The following ZCCHC7 variants were observed in gnomAD, a reference collection of about 807,000 sequenced individuals.
ZCCHC7 encodes the protein zinc finger CCHC-type containing 7.
Under a neutral mutation model 52.0 loss-of-function variants are expected in ZCCHC7, and 35 were observed. That is an observed-to-expected ratio of 0.67 (90% CI 0.51 to 0.89). ZCCHC7 has a LOEUF of 0.89. Among genes scored for constraint, ZCCHC7 ranks in the 40% least tolerant of loss-of-function variants. ZCCHC7 has a pLI of 0.00. For synonymous variants in ZCCHC7, 217 were observed against 221.5 expected, an observed-to-expected ratio of 0.98 and a Z score of 0.18; for missense variants, 574 against 649.1, an observed-to-expected ratio of 0.88 and a Z score of 1.26.
intron 2 of ZCCHC7, among the ~76,000 whole-genome samples, chr9:37,241,977 G>A (rs1226450105): frequency 6.6e-6 from 1 of 151,436 alleles, no homozygotes; most frequent in Non-Finnish European, 1.5e-5. Context: ...ATTTTTTTCT[G>A]TTAAAATAGG....
chr9:37,268,182 A>G (rs1051200430), intron 2 of ZCCHC7, among the ~76,000 whole-genome samples: 4 of 152,196 alleles, frequency 2.6e-5, no homozygotes, highest in African/African-American at 9.7e-5. Context: ...AGCCTAATAC[A>G]AAACAAATTC....
intron 6 of ZCCHC7, among the ~76,000 whole-genome samples, chr9:37,328,494 C>A (rs1830335674): frequency 6.6e-6 from 1 of 151,892 alleles, no homozygotes; most frequent in Non-Finnish European, 1.5e-5. Flanking sequence ...CAGCTTAAAT[C>A]ATTTCAGTAA....
intron 2 of ZCCHC7, among the ~76,000 whole-genome samples, chr9:37,258,683 T>C (rs1826710416): frequency 6.8e-6 from 1 of 146,726 alleles, no homozygotes; most frequent in Admixed American, 6.9e-5. Context: ...GCCTGTGAGG[T>C]TGAGGCTGCA....
intron 2 of ZCCHC7, among the ~76,000 whole-genome samples, chr9:37,136,062 T>C (rs1432930116): frequency 6.6e-6 from 1 of 152,188 alleles, no homozygotes. Context: ...TTTCTTTTCC[T>C]GTGTGGATTA....
chr9:37,212,531 T>C (rs1308735394), intron 2 of ZCCHC7, among the ~76,000 whole-genome samples: 1 of 152,180 alleles, frequency 6.6e-6, no homozygotes, highest in Non-Finnish European at 1.5e-5. Context: ...TCTTTTCTTT[T>C]TAGTTGGCTA....
rs573048792 is a variant in ZCCHC7 at position 37,184,381 on chromosome 9, T to C, written c.610+57439T>C. On this transcript the variant is annotated intron_variant, in intron 2 of 8. Transcript: ENST00000336755. ...GTGGCAGTTTTCTAGATTCCCATTA[T>C]TGGCTTGCATCAAAAAAAAAAAAAA... 5.5e-5 allele frequency among the ~76,000 whole-genome samples: 8 copies of C among 145,980 alleles called. No individual in the cohort carries two copies. The South Asian group carries it at 1.8e-3, about 33-fold the overall frequency.
At chr9:37,295,101 T>C (rs540198014) in intron 2 of ZCCHC7, among the ~76,000 whole-genome samples, 1 of 152,300 alleles carries the variant, frequency 6.6e-6, no homozygotes, top group East Asian at 1.9e-4. Flanking sequence ...AAGTTGTGAG[T>C]GATCATCACT....
intron 2 of ZCCHC7, among the ~76,000 whole-genome samples, chr9:37,284,566 A>AG (rs1373310654): frequency 6.6e-6 from 1 of 151,342 alleles, no homozygotes; most frequent in Non-Finnish European, 1.5e-5. Flanking sequence ...TGTATTGGAA[A>AG]TGAAAGTCAG....
At chr9:37,227,434 A>G (rs908455663) in intron 2 of ZCCHC7, among the ~76,000 whole-genome samples, 1 of 152,222 alleles carries the variant, frequency 6.6e-6, no homozygotes, top group Non-Finnish European at 1.5e-5. Flanking sequence ...AGAATAGGTC[A>G]TAATTGAAAA....
chr9:37,182,805 G>C (rs1300165768), intron 2 of ZCCHC7, among the ~76,000 whole-genome samples: 2 of 152,188 alleles, frequency 1.3e-5, no homozygotes, highest in Non-Finnish European at 1.5e-5. Flanking sequence ...GTACATGGTG[G>C]ATACATTGTT....
At chr9:37,209,142 G>T (rs980098601) in intron 2 of ZCCHC7, among the ~76,000 whole-genome samples, 1 of 151,896 alleles carries the variant, frequency 6.6e-6, no homozygotes, top group South Asian at 2.1e-4. Flanking sequence ...CCAGGTTCAC[G>T]CCATTTGCCT....
chr9:37,288,544 T>C lies in ZCCHC7; in HGVS notation c.611-13644T>C, dbSNP rs1053505833. On this transcript the variant is annotated intron_variant, in intron 2 of 8. Coordinates refer to ENST00000336755, the MANE Select transcript of ZCCHC7 (RefSeq NM_032226.3). ...GTCAAAATCATCAAACATTTGTCTA[T>C]ATTTACTGCCCCTGAATTCTCTCCT... Among the ~76,000 whole-genome samples, 6 of 152,222 alleles carry C rather than the reference T, an allele frequency of 3.9e-5. No homozygotes were observed. In the East Asian group the frequency reaches 1.2e-3, roughly 29 times the overall value.
intron 2 of ZCCHC7, among the ~76,000 whole-genome samples, chr9:37,238,336 G>C (rs1403489584): frequency 1.3e-5 from 2 of 152,068 alleles, no homozygotes; most frequent in Non-Finnish European, 2.9e-5. Flanking sequence ...TGATTTTTTT[G>C]TAGGTTTCTC....
chr9:37,274,136 CTTA>C (rs1564217870), intron 2 of ZCCHC7, among the ~76,000 whole-genome samples: 2 of 152,048 alleles, frequency 1.3e-5, no homozygotes, highest in South Asian at 2.1e-4. Context: ...TATCCAGTCA[CTTA>C]TTATTTACAT....
rs146660938 is a variant in ZCCHC7 at position 37,185,922 on chromosome 9, T to TTTTA, written c.610+59004_610+59007dup. ...TCAGGAATATCTGTTCATTCATGCA[T>TTTTA]TTTATTTATTTATTTATTTATTTAT... On this transcript the variant is annotated intron_variant, in intron 2 of 8. Coordinates refer to ENST00000336755, the MANE Select transcript of ZCCHC7 (RefSeq NM_032226.3). Among the ~76,000 whole-genome samples the TTTTA allele has an allele frequency of 1.0e-3, 159 of 151,996 alleles. 1 individual carries two copies. The highest frequency in any genetic ancestry group is 3.1e-3 in the South Asian group (15 of 4,826).
rs11422051 is a variant in ZCCHC7, at chr9:37,304,171, A to AT, written c.655-8dup. The AT allele has an allele frequency of 0.54, 830,892 of 1,534,274 alleles. 220,419 individuals are homozygous for AT. Among genetic ancestry groups the AT allele is most frequent in the African/African-American group, 0.69 (48,781 of 70,368 alleles). Reference sequence around the variant, plus strand: ...AGTGAAACAATTTTTTTAATTCTTGATTTTTTTTTCCCTTAGGCCCAGATA... The same window carrying AT: ...AGTGAAACAATTTTTTTAATTCTTGATTTTTTTTTTCCCTTAGGCCCAGATA... On this transcript the variant is annotated splice_polypyrimidine_tract_variant and intron_variant, in intron 3 of 8. Transcript: ENST00000336755.
intron 5 of ZCCHC7, among the ~76,000 whole-genome samples, chr9:37,311,794 G>A (rs1283537983): frequency 1.3e-5 from 2 of 152,160 alleles, no homozygotes; most frequent in Non-Finnish European, 2.9e-5. Context: ...TTTATTTTAA[G>A]GAGAACTCAG....
At chr9:37,166,054 G>GATTTTATTGATT (rs1821399613) in intron 2 of ZCCHC7, among the ~76,000 whole-genome samples, 1 of 152,178 alleles carries the variant, frequency 6.6e-6, no homozygotes, top group African/African-American at 2.4e-5. Context: ...TCTCATCTAA[G>GATTTTATTGATT]TTGCTGATTT....
At chr9:37,276,585 C>A (rs1246109225) in intron 2 of ZCCHC7, among the ~76,000 whole-genome samples, 1 of 152,132 alleles carries the variant, frequency 6.6e-6, no homozygotes. Context: ...ATGTTAATTG[C>A]CTTCCTCATC....
Sources: allele counts gnomAD v4.1 joint callset (sites outside exome capture counted in the v4.1 genomes callset), GRCh38; gene constraint gnomAD v4.1.1; transcripts MANE v1.5; gene names NCBI Gene and HGNC (gene_info 2026-07-23, HGNC 2026-07-21).